Variants in CAPRIN1 observed in about 807,000 individuals in gnomAD.
The protein encoded by CAPRIN1 is caprin-1.
In CAPRIN1, 29 loss-of-function variants were observed where a neutral mutation model predicts 100.9. The observed-to-expected ratio is 0.29, with a 90% confidence interval of 0.21 to 0.39. The LOEUF (loss-of-function observed/expected upper bound fraction) is 0.39, where lower values mean the gene tolerates loss of function less well. CAPRIN1 is among the 10% of genes least tolerant of loss of function. The pLI, the probability that CAPRIN1 is intolerant of heterozygous loss-of-function variation, is 1.00. For missense variants in CAPRIN1, 795 were observed against 876.7 expected (o/e 0.91, Z 1.18); for synonymous variants, 338 against 307.5 (o/e 1.10, Z -1.04).
intron 9 of CAPRIN1, among the ~76,000 whole-genome samples, chr11:34,084,035 T>C (rs1420815226): frequency 6.6e-6 from 1 of 152,124 alleles, no homozygotes; most frequent in Non-Finnish European, 1.5e-5. Context: ...TGCCACTGCA[T>C]TCCAACCTGG....
At chr11:34,083,590 G>A (rs1851075030) in intron 9 of CAPRIN1, among the ~76,000 whole-genome samples, 1 of 152,128 alleles carries the variant, frequency 6.6e-6, no homozygotes, top group Admixed American at 6.5e-5. Flanking sequence ...TAAGTTACTT[G>A]TACTTGAGGC....
At chr11:34,063,206 A>T (rs997419465) in intron 2 of CAPRIN1, 1 of 152,198 alleles carries the variant, frequency 6.6e-6, no homozygotes, top group Non-Finnish European at 1.5e-5. Flanking sequence ...ATGTATTGCA[A>T]TTCAGCACAA....
chr11:34,090,054 T>C (rs1393668124), intron 12 of CAPRIN1, 125 bp from the exon 13 acceptor site: 1 of 530,194 alleles, frequency 1.9e-6, no homozygotes, highest in Non-Finnish European at 3.4e-6. Context: ...GATGGTAATA[T>C]TAATTTCTCC....
At chr11:34,089,364 T>G in intron 11 of CAPRIN1, 31 bp from the exon 12 acceptor site, 1 of 1,480,106 alleles carries the variant, frequency 6.8e-7, no homozygotes, top group South Asian at 1.2e-5. Context: ...TTTAATTTTG[T>G]TTGACAAAAA....
intron 15 of CAPRIN1, among the ~76,000 whole-genome samples, chr11:34,092,501 C>T (rs983532381): frequency 3.3e-5 from 5 of 151,674 alleles, no homozygotes; most frequent in Non-Finnish European, 5.9e-5. Flanking sequence ...TGGGAATACA[C>T]GCATGTGCCA....
chr11:34,057,728 A>G (rs1340284044), intron 2 of CAPRIN1, among the ~76,000 whole-genome samples: 1 of 152,028 alleles, frequency 6.6e-6, no homozygotes, highest in Non-Finnish European at 1.5e-5. Context: ...TTTATTTATT[A>G]TCATTATTTG....
At chr11:34,088,194 G>A (rs1165572140) in intron 11 of CAPRIN1, among the ~76,000 whole-genome samples, 1 of 152,000 alleles carries the variant, frequency 6.6e-6, no homozygotes, top group Admixed American at 6.6e-5. Context: ...AAGTAGAGAT[G>A]GGGTTTCACC....
chr11:34,066,465 C>T (rs1850697071), intron 2 of CAPRIN1, among the ~76,000 whole-genome samples: 1 of 151,872 alleles, frequency 6.6e-6, no homozygotes, highest in Non-Finnish European at 1.5e-5. Flanking sequence ...TCCCGAGTAG[C>T]TGGGATTACA....
chr11:34,051,925 G>A (rs7951306), intron 1 of CAPRIN1, 54 bp downstream of exon 1: 26,588 of 151,840 alleles, frequency 0.18, 2,486 homozygotes, highest in African/African-American at 0.2. Context: ...GCTGCGCCCG[G>A]GTGTCCTTTA....
chr11:34,090,585 G>C lies in CAPRIN1; in HGVS notation c.1461G>C (p.Ala487=), dbSNP rs756647679. 2.5e-6 allele frequency: 4 copies of C among 1,614,048 alleles called. No individual in the cohort carries two copies. Among genetic ancestry groups the C allele is most frequent in the South Asian group, 1.1e-5 (1 of 91,082 alleles). ...CAGCATCATCATCCCTTCCTGCTGC[G>C]TCTCAGCCTCAAGTATTTCAGGCTG... ...QTTASSSLPA[A]SQPQVFQAGT... Residue 487 remains alanine, a synonymous_variant, in exon 14 of 19, where the codon GCG becomes GCC. Coordinates refer to ENST00000341394, the MANE Select transcript of CAPRIN1 (RefSeq NM_005898.5).
intron 12 of CAPRIN1, chr11:34,089,971 A>G (rs1851230880): frequency 2.4e-5 from 8 of 337,056 alleles, no homozygotes; most frequent in Admixed American, 1.3e-4. Flanking sequence ...ACTTGGGTTT[A>G]TTTAACGTCG....
chr11:34,093,908 C>CT, intron 15 of CAPRIN1, among the ~76,000 whole-genome samples: 1 of 141,656 alleles, frequency 7.1e-6, no homozygotes, highest in South Asian at 2.2e-4. Flanking sequence ...TTCATACTTA[C>CT]TTTCCTTCTT....
At chr11:34,080,847 A>G (rs1242147078) in intron 7 of CAPRIN1, among the ~76,000 whole-genome samples, 1 of 152,236 alleles carries the variant, frequency 6.6e-6, no homozygotes, top group African/African-American at 2.4e-5. Flanking sequence ...ACTGGTAGCT[A>G]GTAGGTTGAA....
At chr11:34,081,549 A>ATACAC (rs1378904289) in intron 7 of CAPRIN1, among the ~76,000 whole-genome samples, 1 of 150,048 alleles carries the variant, frequency 6.7e-6, no homozygotes, top group East Asian at 2.0e-4. Flanking sequence ...GCTGGAGTGT[A>ATACAC]GTCGCATGAT....
At chr11:34,088,075 A>T (rs1851185789) in intron 11 of CAPRIN1, among the ~76,000 whole-genome samples, 1 of 152,042 alleles carries the variant, frequency 6.6e-6, no homozygotes, top group African/African-American at 2.4e-5. Context: ...TTGGCTCGGC[A>T]CGCTGCAACC....
In CAPRIN1 at chr11:34,101,599, T is replaced by A. The variant is rs1851455503; in HGVS notation, c.*2232T>A. Among the ~76,000 whole-genome samples, 1 of 152,224 alleles carries A rather than the reference T, an allele frequency of 6.6e-6. No homozygotes were observed. The highest frequency in any genetic ancestry group is 1.5e-5 in the Non-Finnish European group (1 of 68,024). On this transcript the variant is annotated 3_prime_UTR_variant, in exon 19 of 19. Coordinates refer to ENST00000341394, the MANE Select transcript of CAPRIN1 (RefSeq NM_005898.5). Reference sequence around the variant, plus strand: ...TTTTTTCAAAGAATTGTTCCTTTTTTTGAACTATAATTTTTCTTTTTTTGG... The same window carrying A: ...TTTTTTCAAAGAATTGTTCCTTTTTATGAACTATAATTTTTCTTTTTTTGG...
rs780153513 is a variant in CAPRIN1 at position 34,080,327 on chromosome 11, TGATA to T, written c.826+568_826+571del. ...ACTAGTCTTGATCACTATTATAAAC[TGATA>T]GATAGTTCTTTTGCAGTAGTATTGA... On this transcript the variant is annotated intron_variant, in intron 7 of 18. Coordinates refer to ENST00000341394, the MANE Select transcript of CAPRIN1 (RefSeq NM_005898.5). Among the ~76,000 whole-genome samples the T allele has an allele frequency of 8.3e-4, 126 of 152,310 alleles. 1 individual carries two copies. The highest frequency in any genetic ancestry group is 7.2e-4 in the Non-Finnish European group (49 of 68,022).
intron 2 of CAPRIN1, among the ~76,000 whole-genome samples, chr11:34,058,746 T>C (rs764846608): frequency 2.6e-5 from 4 of 152,212 alleles, no homozygotes; most frequent in African/African-American, 4.8e-5. Flanking sequence ...AAATAAACTT[T>C]TATAAAGTTA....
At chr11:34,088,030 G>A (rs544569297) in intron 11 of CAPRIN1, among the ~76,000 whole-genome samples, 19 of 152,232 alleles carry the variant, frequency 1.2e-4, no homozygotes, top group Admixed American at 1.2e-3. Flanking sequence ...ACGCAGTCTC[G>A]CTCTATCGCC....
Sources: gnomAD v4.1 joint callset for allele counts (sites outside exome capture counted in the v4.1 genomes callset) on GRCh38, gnomAD v4.1.1 for gene constraint, MANE v1.5 for transcripts, NCBI Gene and HGNC (gene_info 2026-07-23, HGNC 2026-07-21) for gene names.